SEC23A: variants seen among roughly 807,000 people sequenced by gnomAD.
SEC23A encodes the protein SEC23 homolog A, COPII component.
SEC23A carries 56 observed loss-of-function variants against 103.7 expected under a neutral mutation model. The ratio of observed to expected loss-of-function variants is 0.54; its 90% CI spans 0.44 to 0.67. SEC23A has a LOEUF of 0.67. SEC23A is among the 30% of genes least tolerant of loss of function. The pLI, the probability that SEC23A is intolerant of heterozygous loss-of-function variation, is 0.00. For synonymous variants in SEC23A, 281 were observed against 293.0 expected (o/e 0.96, Z 0.42); for missense variants, 784 against 936.4 (o/e 0.84, Z 2.12).
In SEC23A at chr14:39,039,191, T is replaced by C. The variant is rs891137925; in HGVS notation, c.2143-95A>G. The stretch of plus-strand genomic sequence containing the variant: ...ATCATGCAAAATCAATTTTATTTAG[T>C]ATGTGTTGGTAAAATTAATTTTATT... On this transcript the variant is annotated intron_variant, in intron 18 of 19. Coordinates refer to ENST00000307712, the MANE Select transcript of SEC23A (RefSeq NM_006364.4). The C allele has an allele frequency of 1.0e-5, 10 of 984,290 alleles. No individual in the cohort carries two copies. The African/African-American group carries it at 1.3e-4, about 13-fold the overall frequency. 61.0% of individuals were successfully genotyped at this position (984,290 alleles called of 1,614,324 possible). A position where few individuals can be genotyped will look rare whatever the true frequency, so the allele number is the denominator to read the frequency against.
intron 15 of SEC23A, among the ~76,000 whole-genome samples, chr14:39,046,648 A>G (rs1885849571): frequency 6.6e-6 from 1 of 152,150 alleles, no homozygotes; most frequent in East Asian, 1.9e-4. Flanking sequence ...TTAATATTTA[A>G]TATCTTCCCT....
rs1255964491 is a variant in SEC23A at position 39,042,892 on chromosome 14, G to A, written c.1900-20C>T. 1 of 1,516,726 alleles carries A rather than the reference G, an allele frequency of 6.6e-7. No individual in the cohort carries two copies. The highest frequency in any genetic ancestry group is 2.3e-5 in the East Asian group (1 of 44,278). The allele number at this position is 1,516,726 out of a possible 1,614,324, so 94.0% of individuals were successfully genotyped here. ...AACCGGCTAACGTAAAGAAAACAATGAGAAATGAGGAAAAAGGAAAAATAA... is the reference window on the plus strand; with the variant it reads ...AACCGGCTAACGTAAAGAAAACAATAAGAAATGAGGAAAAAGGAAAAATAA... On this transcript the variant is annotated intron_variant, in intron 16 of 19. Coordinates refer to ENST00000307712, the MANE Select transcript of SEC23A (RefSeq NM_006364.4).
Position 39,091,748 on chromosome 14 carries a change from A to C in SEC23A, c.367-35T>G, listed in dbSNP as rs1326002189. 5 of 1,397,154 alleles carry C rather than the reference A, an allele frequency of 3.6e-6. No individual in the cohort carries two copies. The Admixed American group carries it at 6.7e-5, about 19-fold the overall frequency. The allele number at this position is 1,397,154 out of a possible 1,614,324, so 86.5% of individuals were successfully genotyped here. On this transcript the variant is annotated intron_variant, in intron 4 of 19. Coordinates refer to ENST00000307712, the MANE Select transcript of SEC23A (RefSeq NM_006364.4). ...AATTCACCAAAAAGAAAAAATATGTAGTTTAAAGCACAGCATACAAGACAG... is the reference window on the plus strand; with the variant it reads ...AATTCACCAAAAAGAAAAAATATGTCGTTTAAAGCACAGCATACAAGACAG...
chr14:39,081,085 C>T (rs989509913), intron 7 of SEC23A, among the ~76,000 whole-genome samples: 3 of 151,870 alleles, frequency 2.0e-5, no homozygotes, highest in African/African-American at 7.3e-5. Flanking sequence ...GCCTATAGTC[C>T]CAGCTACTTG....
chr14:39,063,290 G>T, intron 12 of SEC23A, 34 bp downstream of exon 12: 2 of 1,262,336 alleles, frequency 1.6e-6, no homozygotes, highest in Non-Finnish European at 1.2e-6. Flanking sequence ...AATGTACGTT[G>T]TACGTTTTGA....
chr14:39,036,320 CAAAAAAAAAAA>C (rs59018206), intron 19 of SEC23A, among the ~76,000 whole-genome samples: 5 of 69,898 alleles, frequency 7.2e-5, no homozygotes, highest in East Asian at 4.0e-4. Context: ...GACTCCGTCT[CAAAAAAAAAAA>C]AAAAAAAAAA....
At chr14:39,088,350 AT>A (rs1405659086) in intron 5 of SEC23A, 1 of 152,232 alleles carries the variant, frequency 6.6e-6, no homozygotes, top group African/African-American at 2.4e-5. Flanking sequence ...TAATCCCAGT[AT>A]TTTGGGAGGC....
At position 39,065,997 on chromosome 14, in the gene SEC23A, C is replaced by CAAAAAAAAAAA. The variant is rs59260008; in HGVS notation, c.1228-1015_1228-1005dup. ...GGGCAATAAGAGCGAAACTCCATCT[C>CAAAAAAAAAAA]AAAAAAAAAAAAAAAAAAAAAAAAA... On this transcript the variant is annotated intron_variant, in intron 10 of 19. Coordinates refer to ENST00000307712, the MANE Select transcript of SEC23A (RefSeq NM_006364.4). Among the ~76,000 whole-genome samples the CAAAAAAAAAAA allele has an allele frequency of 6.1e-4, 49 of 80,490 alleles. 1 individual carries two copies. The highest frequency in any genetic ancestry group is 8.8e-4 in the South Asian group (2 of 2,262). 52.8% of individuals were successfully genotyped at this position (80,490 alleles called of 152,430 possible). A position where few individuals can be genotyped will look rare whatever the true frequency, so the allele number is the denominator to read the frequency against.
At chr14:39,065,828 A>C (rs1886640834) in intron 10 of SEC23A, among the ~76,000 whole-genome samples, 1 of 151,918 alleles carries the variant, frequency 6.6e-6, no homozygotes, top group African/African-American at 2.4e-5. Flanking sequence ...GAGAAACCCC[A>C]TCTCTACTAA....
intron 10 of SEC23A, among the ~76,000 whole-genome samples, chr14:39,066,285 C>T (rs1374740237): frequency 1.3e-5 from 2 of 151,916 alleles, no homozygotes; most frequent in Non-Finnish European, 2.9e-5. Context: ...TTCAATAAAA[C>T]AAGATTAATA....
At chr14:39,099,169 T>G (rs1474523043) in intron 1 of SEC23A, among the ~76,000 whole-genome samples, 1 of 145,616 alleles carries the variant, frequency 6.9e-6, no homozygotes, top group Non-Finnish European at 1.5e-5. Context: ...TTTTTTTTTT[T>G]TTTTTTTTGA....
chr14:39,075,840 A>G, intron 8 of SEC23A, 95 bp downstream of exon 8: 2 of 1,032,010 alleles, frequency 1.9e-6, no homozygotes, highest in Non-Finnish European at 3.0e-6. Flanking sequence ...ACTGTATAAT[A>G]CCAATTTCTA....
At chr14:39,078,289 T>C (rs1222648950) in intron 7 of SEC23A, among the ~76,000 whole-genome samples, 1 of 151,360 alleles carries the variant, frequency 6.6e-6, no homozygotes, top group Middle Eastern at 3.2e-3. Context: ...AATTTAAAGA[T>C]AGGAAATAAT....
intron 7 of SEC23A, among the ~76,000 whole-genome samples, chr14:39,080,332 T>G (rs1369546795): frequency 2.6e-5 from 4 of 151,838 alleles, no homozygotes; most frequent in Non-Finnish European, 5.9e-5. Flanking sequence ...ACCAAGAGAA[T>G]GAAAATGAAA....
At chr14:39,084,188 GT>G (rs1179095288) in intron 7 of SEC23A, among the ~76,000 whole-genome samples, 23 of 143,306 alleles carry the variant, frequency 1.6e-4, no homozygotes, top group East Asian at 2.0e-4. Context: ...CGCCCGGCTA[GT>G]TTTTTTTTTT....
In SEC23A at chr14:39,065,997, C is replaced by CAAAAAAAAAAAAAAAAAAAAA. The variant is rs59260008; in HGVS notation, c.1228-1025_1228-1005dup. Among the ~76,000 whole-genome samples, 15 of 80,494 alleles carry CAAAAAAAAAAAAAAAAAAAAA rather than the reference C, an allele frequency of 1.9e-4. 1 individual carries two copies. The highest frequency in any genetic ancestry group is 5.7e-3 in the Middle Eastern group (1 of 174). 52.8% of individuals were successfully genotyped at this position (80,494 alleles called of 152,430 possible). On this transcript the variant is annotated intron_variant, in intron 10 of 19. Coordinates refer to ENST00000307712, the MANE Select transcript of SEC23A (RefSeq NM_006364.4). The stretch of plus-strand genomic sequence containing the variant: ...GGGCAATAAGAGCGAAACTCCATCT[C>CAAAAAAAAAAAAAAAAAAAAA]AAAAAAAAAAAAAAAAAAAAAAAAA...
At chr14:39,043,898 T>C (rs1049456158) in intron 16 of SEC23A, among the ~76,000 whole-genome samples, 6 of 152,186 alleles carry the variant, frequency 3.9e-5, no homozygotes, top group Admixed American at 2.6e-4. Flanking sequence ...GTCTTACTTA[T>C]ATAGGTTGAG....
intron 9 of SEC23A, among the ~76,000 whole-genome samples, chr14:39,071,443 G>A (rs1179887988): frequency 6.6e-6 from 1 of 152,190 alleles, no homozygotes; most frequent in African/African-American, 2.4e-5. Context: ...CAGATACCTG[G>A]AAGGCTGAGG....
chr14:39,085,682 TTA>T (rs141614689), intron 7 of SEC23A, 78 bp downstream of exon 7: 59,311 of 1,112,242 alleles, frequency 0.053, 2,692 homozygotes, highest in East Asian at 0.065. Flanking sequence ...ATCCTTATAA[TTA>T]TATATACACA....
Sources: allele counts gnomAD v4.1 joint callset (sites outside exome capture counted in the v4.1 genomes callset), GRCh38; gene constraint gnomAD v4.1.1; transcripts MANE v1.5; gene names NCBI Gene and HGNC (gene_info 2026-07-23, HGNC 2026-07-21).